TSPEAR: variants seen among roughly 807,000 people sequenced by gnomAD.
The protein encoded by TSPEAR is thrombospondin type laminin G domain and EAR repeats, also known as thrombospondin-type laminin G domain and EAR repeat-containing protein.
TSPEAR carries 69 observed loss-of-function variants against 71.6 expected under a neutral mutation model. That is an observed-to-expected ratio of 0.96 (90% CI 0.79 to 1.18). The LOEUF is 1.18. TSPEAR is among the 50% of genes most tolerant of loss of function. The pLI is 0.00. For missense variants in TSPEAR, 971 were observed against 894.9 expected (o/e 1.09, Z -1.09); for synonymous variants, 402 against 387.2 (o/e 1.04, Z -0.45).
intron 1 of TSPEAR, among the ~76,000 whole-genome samples, chr21:44,628,607 CCA>C (rs1436081848): frequency 6.6e-6 from 1 of 151,882 alleles, no homozygotes; most frequent in Non-Finnish European, 1.5e-5. Context: ...TGGCTGAGTC[CCA>C]CAGACACCAC....
intron 1 of TSPEAR, chr21:44,678,086 T>C (rs1171236424): frequency 4.5e-6 from 3 of 660,554 alleles, no homozygotes; most frequent in African/African-American, 1.8e-5. Flanking sequence ...GCCCGCAGTA[T>C]CTGTCGAGCG....
chr21:44,592,593 C>T, intron 1 of TSPEAR: 1 of 1,490,720 alleles, frequency 6.7e-7, no homozygotes. Flanking sequence ...GCTTCCCCTT[C>T]CGTGTTGCCG....
rs1182117173 is a variant in TSPEAR, at chr21:44,593,793, T to C, written c.83-25788A>G. 6.6e-6 allele frequency among the ~76,000 whole-genome samples: 1 copy of C among 152,186 alleles called. No individual in the cohort carries two copies. The highest frequency in any genetic ancestry group is 1.5e-5 in the Non-Finnish European group (1 of 68,026). On this transcript the variant is annotated intron_variant, in intron 1 of 11. Coordinates refer to ENST00000323084, the MANE Select transcript of TSPEAR (RefSeq NM_144991.3). The surrounding 1 kb of genome is among the most constrained non-coding windows in gnomAD (Gnocchi z 5.9). ...CTGCTCTCACGCCACAGCTGCTGTT[T>C]TTCTACAGTGGCTAAACACGCACTG... is the stretch of plus-strand genomic sequence containing the variant.
At chr21:44,592,905 G>A (rs1180443977) in intron 1 of TSPEAR, among the ~76,000 whole-genome samples, 2 of 152,128 alleles carry the variant, frequency 1.3e-5, no homozygotes, top group Non-Finnish European at 2.9e-5. Context: ...CCGGACACAG[G>A]ACTGTGGCCA....
chr21:44,502,920 A>G (rs116767206), intron 11 of TSPEAR, among the ~76,000 whole-genome samples: 285 of 58,104 alleles, frequency 4.9e-3, no homozygotes, highest in African/African-American at 0.014. Flanking sequence ...CGCTGGGAGG[A>G]AGCTGGCCTC....
chr21:44,614,205 G>T (rs1450313234), intron 1 of TSPEAR, among the ~76,000 whole-genome samples: 1 of 152,206 alleles, frequency 6.6e-6, no homozygotes, highest in East Asian at 1.9e-4. Context: ...TGTGACGCCA[G>T]CGTCACTCTC....
intron 1 of TSPEAR, among the ~76,000 whole-genome samples, chr21:44,673,443 G>A (rs1386447337): frequency 6.6e-6 from 1 of 152,126 alleles, no homozygotes; most frequent in African/African-American, 2.4e-5. Context: ...AATACCAAAA[G>A]AGTCTGATAT....
chr21:44,654,180 T>C, intron 1 of TSPEAR: 1 of 1,012,802 alleles, frequency 9.9e-7, no homozygotes, highest in African/African-American at 1.6e-5. Context: ...GTGACGACAG[T>C]TTGCTGTGGG....
chr21:44,667,580 C>T (rs1445673019), intron 1 of TSPEAR, among the ~76,000 whole-genome samples: 2 of 152,170 alleles, frequency 1.3e-5, no homozygotes, highest in Non-Finnish European at 2.9e-5. Flanking sequence ...CAAGCTGGTC[C>T]AAGCATGTTC....
intron 1 of TSPEAR, among the ~76,000 whole-genome samples, chr21:44,656,683 A>G (rs1167898638): frequency 1.2e-4 from 18 of 151,966 alleles, no homozygotes; most frequent in African/African-American, 4.4e-4. Context: ...AGGTTCTGAG[A>G]TTCTTGGGTC....
chr21:44,653,886 C>T (rs1417189546), intron 1 of TSPEAR, among the ~76,000 whole-genome samples: 1 of 152,188 alleles, frequency 6.6e-6, no homozygotes, highest in African/African-American at 2.4e-5. Context: ...TCATCTGGTA[C>T]CTGCCCCTTC....
chr21:44,536,654 A>G (rs1005751611), intron 2 of TSPEAR, among the ~76,000 whole-genome samples: 1 of 152,244 alleles, frequency 6.6e-6, no homozygotes, highest in African/African-American at 2.4e-5. Context: ...TTTTAATTTT[A>G]TTCAGCATCA....
In TSPEAR at chr21:44,619,314, A is replaced by G. The variant is rs960165094; in HGVS notation, c.83-51309T>C. On this transcript the variant is annotated intron_variant, in intron 1 of 11. Transcript: ENST00000323084. ...GTGAAGAAACTATTTTTAAAAACTG[A>G]CAGAAACAAACAAAAACAACCACAA... 4.6e-5 allele frequency among the ~76,000 whole-genome samples: 7 copies of G among 152,382 alleles called. No homozygotes were observed. The East Asian group carries it at 1.3e-3, about 29-fold the overall frequency.
At chr21:44,585,673 T>C (rs1979290106) in intron 1 of TSPEAR, among the ~76,000 whole-genome samples, 1 of 152,200 alleles carries the variant, frequency 6.6e-6, no homozygotes, top group Admixed American at 6.5e-5. Flanking sequence ...GAATTCCATA[T>C]GTTTGGAGTG....
chr21:44,677,488 C>T (rs1555947106), intron 1 of TSPEAR: 2 of 823,790 alleles, frequency 2.4e-6, no homozygotes. Context: ...TTAACTTGTT[C>T]TTGTTTTTCC....
At chr21:44,503,198 CAG>C (rs782106603) in intron 11 of TSPEAR, among the ~76,000 whole-genome samples, 30 of 128,296 alleles carry the variant, frequency 2.3e-4, no homozygotes, top group Admixed American at 4.7e-4. Context: ...GGTGAGCCCA[CAG>C]GGGGGAAGCA....
chr21:44,592,005 G>A (rs1451789664), intron 1 of TSPEAR: 6 of 1,608,274 alleles, frequency 3.7e-6, no homozygotes, highest in Non-Finnish European at 5.1e-6. Flanking sequence ...CAGGCTTGCA[G>A]CAGACGGGCA....
chr21:44,549,577 C>T (rs1601400281), intron 2 of TSPEAR, among the ~76,000 whole-genome samples: 1 of 152,372 alleles, frequency 6.6e-6, no homozygotes, highest in East Asian at 1.9e-4. Context: ...AGTAAAGACT[C>T]AGGGCCTCTT....
intron 1 of TSPEAR, among the ~76,000 whole-genome samples, chr21:44,629,425 G>T (rs1983123907): frequency 6.6e-6 from 1 of 152,152 alleles, no homozygotes; most frequent in African/African-American, 2.4e-5. Context: ...GTCCTTACGG[G>T]GCTGTCCCTC....
Sources: allele counts gnomAD v4.1 joint callset (sites outside exome capture counted in the v4.1 genomes callset), GRCh38; gene constraint gnomAD v4.1.1; non-coding constraint Gnocchi (gnomAD v3.1); transcripts MANE v1.5; gene names NCBI Gene and HGNC (gene_info 2026-07-23, HGNC 2026-07-21).